Variants in REPS2 observed in about 807,000 individuals in gnomAD.
The protein encoded by REPS2 is ralBP1-associated Eps domain-containing protein 2.
Under a neutral mutation model 53.6 loss-of-function variants are expected in REPS2, and 23 were observed. The observed-to-expected ratio is 0.43, with a 90% CI of 0.31 to 0.61. The LOEUF is 0.61. Among genes scored for constraint, REPS2 ranks in the 20% least tolerant of loss-of-function variants. The pLI is 0.11. For missense variants in REPS2, 446 were observed against 534.9 expected, an observed-to-expected ratio of 0.83 and a Z score of 1.64; for synonymous variants, 238 against 218.6, an observed-to-expected ratio of 1.09 and a Z score of -0.78.
chrX:17,025,935 AC>A lies in REPS2; in HGVS notation c.673+757del, dbSNP rs962515404. ...TAGAACTGGATATCTGTAAACCCCC[AC>A]CCCCCCAGTTTTGTTTTGTGGGCTG... On this transcript the variant is annotated intron_variant, in intron 4 of 17. Coordinates refer to ENST00000357277, the MANE Select transcript of REPS2 (RefSeq NM_004726.3). Among the ~76,000 whole-genome samples the A allele has an allele frequency of 3.6e-5, 4 of 110,462 alleles. No homozygotes were observed. The East Asian group carries it at 8.5e-4, about 24-fold the overall frequency.
intron 4 of REPS2, among the ~76,000 whole-genome samples, chrX:17,026,103 A>G (rs2061642606): frequency 8.9e-6 from 1 of 112,013 alleles, no homozygotes; most frequent in South Asian, 3.7e-4. Flanking sequence ...GCGTGGCATA[A>G]TGGCAATAGC....
chrX:17,119,634 A>C (rs2063112299), intron 14 of REPS2, among the ~76,000 whole-genome samples: 3 of 111,356 alleles, frequency 2.7e-5, no homozygotes, highest in Admixed American at 1.9e-4. Context: ...AACACTATCT[A>C]TTCTATAGTC....
chrX:17,081,387 A>G (rs969515236), intron 13 of REPS2, among the ~76,000 whole-genome samples: 1 of 112,561 alleles, frequency 8.9e-6, no homozygotes, highest in East Asian at 2.8e-4. Flanking sequence ...TGTAGAACCA[A>G]TGGAAGGAGA....
At chrX:17,168,899 CTT>C in the REPS2 span, among the ~76,000 whole-genome samples, 1 of 112,344 alleles carries the variant, frequency 8.9e-6, no homozygotes, top group Non-Finnish European at 1.9e-5. Context: ...TCTGAGCTGG[CTT>C]TGACATGCTT....
intron 6 of REPS2, among the ~76,000 whole-genome samples, chrX:17,050,987 C>T (rs1268587112): frequency 9.0e-6 from 1 of 111,126 alleles, no homozygotes; most frequent in Non-Finnish European, 1.9e-5. Flanking sequence ...TAGCAATCCC[C>T]GCCTCGCCCC....
In REPS2 at chrX:17,124,342, A is replaced by G. The variant is rs188488743; in HGVS notation, c.1579-9482A>G. The stretch of plus-strand genomic sequence containing the variant: ...AGAAAATGATAGGGAAGCAAGACAG[A>G]TCCTGCCCTCCAGGTGCTTACCATT... On this transcript the variant is annotated intron_variant, in intron 14 of 17. Coordinates refer to ENST00000357277, the MANE Select transcript of REPS2 (RefSeq NM_004726.3). Among the ~76,000 whole-genome samples the G allele has an allele frequency of 1.6e-4, 18 of 112,383 alleles. No homozygotes were observed. The Admixed American group carries it at 1.7e-3, about 11-fold the overall frequency.
At chrX:16,955,718 AG>A (rs2060584238) in intron 1 of REPS2, among the ~76,000 whole-genome samples, 1 of 111,866 alleles carries the variant, frequency 8.9e-6, no homozygotes, top group Admixed American at 9.5e-5. Context: ...CCTTTGCCAT[AG>A]TCCATTAGTT....
chrX:17,175,803 CTTCT>C, the REPS2 span, among the ~76,000 whole-genome samples: 1 of 112,423 alleles, frequency 8.9e-6, no homozygotes, highest in African/African-American at 3.2e-5. Context: ...ATCCAGGTCC[CTTCT>C]GTCTGAGGCT....
chrX:17,073,672 AT>A (rs1195934234), intron 11 of REPS2, among the ~76,000 whole-genome samples: 97 of 99,764 alleles, frequency 9.7e-4, no homozygotes, highest in South Asian at 1.8e-3. Context: ...CTGGTAGTGT[AT>A]TTTTTTTTTT....
chrX:17,037,261 A>G (rs770441794), intron 5 of REPS2, among the ~76,000 whole-genome samples: 3 of 109,773 alleles, frequency 2.7e-5, no homozygotes, highest in South Asian at 3.8e-4. Flanking sequence ...CTCAGTGCCA[A>G]TCTTTTCTAC....
rs1001792367 is a variant in REPS2 at position 17,141,016 on chromosome X, C to T, written c.1914+2055C>T. ...CGATTTCCTGACCTTGTGATCTGCCCGCCTAGGTCTCCCAGAGTGCTGGGA... is the reference window on the plus strand; with the variant it reads ...CGATTTCCTGACCTTGTGATCTGCCTGCCTAGGTCTCCCAGAGTGCTGGGA... On this transcript the variant is annotated intron_variant, in intron 17 of 17. Coordinates refer to ENST00000357277, the MANE Select transcript of REPS2 (RefSeq NM_004726.3). Among the ~76,000 whole-genome samples the T allele has an allele frequency of 6.3e-5, 7 of 111,425 alleles. No individual in the cohort carries two copies. The East Asian group carries it at 1.4e-3, about 22-fold the overall frequency.
At chrX:17,020,197 C>T (rs769924197) in intron 2 of REPS2, among the ~76,000 whole-genome samples, 3 of 112,171 alleles carry the variant, frequency 2.7e-5, no homozygotes, top group Non-Finnish European at 3.8e-5. Context: ...AATTGATATT[C>T]ATAATTCAGT....
chrX:17,073,036 GTTTGC>G (rs145704945), intron 11 of REPS2, among the ~76,000 whole-genome samples: 33,483 of 110,267 alleles, frequency 0.3, 4,758 homozygotes, highest in Middle Eastern at 0.49. Context: ...CTGACCAGTA[GTTTGC>G]TTTGTGCCTT....
At chrX:16,966,452 G>T (rs2060770738) in intron 1 of REPS2, among the ~76,000 whole-genome samples, 1 of 112,019 alleles carries the variant, frequency 8.9e-6, no homozygotes, top group African/African-American at 3.2e-5. Context: ...GATCTCTTGG[G>T]GATGGGACCC....
At chrX:17,111,373 C>T (rs184508277) in intron 14 of REPS2, among the ~76,000 whole-genome samples, 23 of 111,773 alleles carry the variant, frequency 2.1e-4, no homozygotes, top group Non-Finnish European at 3.4e-4. Context: ...CATCAAAATA[C>T]GAATTTAATA....
intron 2 of REPS2, among the ~76,000 whole-genome samples, chrX:17,015,327 T>G (rs1047933220): frequency 8.0e-5 from 9 of 112,699 alleles, no homozygotes; most frequent in Admixed American, 9.3e-5. Context: ...ATTGATTTAG[T>G]AGGACCACTT....
chrX:17,187,282 C>T, the REPS2 span, among the ~76,000 whole-genome samples: 1 of 111,457 alleles, frequency 9.0e-6, no homozygotes, highest in Admixed American at 9.5e-5. Flanking sequence ...TTCCTTCCCT[C>T]TTTGTCTGTC....
chrX:16,977,373 G>A (rs2060967831), intron 1 of REPS2, among the ~76,000 whole-genome samples: 1 of 110,769 alleles, frequency 9.0e-6, no homozygotes, highest in Admixed American at 9.6e-5. Flanking sequence ...CTTGTCTGAA[G>A]AATGCTTAGG....
In REPS2 at chrX:16,998,405, A is replaced by C. The variant is rs756282561; in HGVS notation, c.274-7816A>C. On this transcript the variant is annotated intron_variant, in intron 1 of 17. Transcript: ENST00000357277. ...TAGTTTCAACTTCTGGAGATGGCTT[A>C]TGAAAATATAAGTAAATGCATCTAT... Among the ~76,000 whole-genome samples the C allele has an allele frequency of 1.8e-3, 198 of 112,387 alleles. 1 individual carries two copies. Among genetic ancestry groups the C allele is most frequent in the Middle Eastern group, 4.6e-3 (1 of 218 alleles).
Sources: allele counts gnomAD v4.1 joint callset (sites outside exome capture counted in the v4.1 genomes callset), GRCh38; gene constraint gnomAD v4.1.1; transcripts MANE v1.5; gene names NCBI Gene and HGNC (gene_info 2026-07-23, HGNC 2026-07-21).